Variants in ADAMTS3 observed in about 807,000 individuals in gnomAD.
ADAMTS3 encodes ADAM metallopeptidase with thrombospondin type 1 motif 3, also known as A disintegrin and metalloproteinase with thrombospondin motifs 3.
In ADAMTS3, 73 loss-of-function variants were observed where a neutral mutation model predicts 129.0. The ratio of observed to expected loss-of-function variants is 0.57; its 90% CI spans 0.47 to 0.69. The LOEUF is 0.69. Ranked by LOEUF, ADAMTS3 falls within the 30% of genes least tolerant of loss-of-function variation. ADAMTS3 has a pLI of 0.00. For synonymous variants in ADAMTS3, 477 were observed against 510.8 expected (o/e 0.93, Z 0.89); for missense variants, 1,457 against 1,514.5 (o/e 0.96, Z 0.63).
chr4:72,381,546 CTT>C (rs1721289192), intron 4 of ADAMTS3, among the ~76,000 whole-genome samples: 1 of 152,264 alleles, frequency 6.6e-6, no homozygotes, highest in African/African-American at 2.4e-5. Context: ...CGTATTTCAA[CTT>C]CTCTCTCAAC....
At chr4:72,325,674 A>G (rs147808369) in intron 5 of ADAMTS3, among the ~76,000 whole-genome samples, 1 of 152,320 alleles carries the variant, frequency 6.6e-6, no homozygotes, top group Non-Finnish European at 1.5e-5. Context: ...GAAAAAGTGA[A>G]TTAATTTCTG....
At chr4:72,524,376 A>G (rs1293600734) in intron 3 of ADAMTS3, among the ~76,000 whole-genome samples, 1 of 152,182 alleles carries the variant, frequency 6.6e-6, no homozygotes, top group East Asian at 1.9e-4. Context: ...GGAATGGTCT[A>G]TAATTTTCAA....
At chr4:72,431,863 T>A (rs1285948371) in intron 3 of ADAMTS3, among the ~76,000 whole-genome samples, 1 of 151,716 alleles carries the variant, frequency 6.6e-6, no homozygotes, top group Non-Finnish European at 1.5e-5. Context: ...CACGAAAAAA[T>A]AGTAATAGTA....
intron 3 of ADAMTS3, among the ~76,000 whole-genome samples, chr4:72,479,616 T>C (rs1393172724): frequency 2.6e-5 from 4 of 152,274 alleles, no homozygotes; most frequent in African/African-American, 9.6e-5. Flanking sequence ...GGCATTACCA[T>C]TCAGGACATA....
At chr4:72,496,888 C>T (rs1208972216) in intron 3 of ADAMTS3, among the ~76,000 whole-genome samples, 2 of 151,990 alleles carry the variant, frequency 1.3e-5, no homozygotes, top group East Asian at 3.9e-4. Flanking sequence ...AAACATTCAG[C>T]CGCACATCAA....
At position 72,491,192 on chromosome 4, in the gene ADAMTS3, AT is replaced by A. The variant is rs541115961; in HGVS notation, c.504+57285del. Among the ~76,000 whole-genome samples, 1,212 of 151,908 alleles carry A rather than the reference AT, an allele frequency of 8.0e-3. 7 individuals are homozygous for A. Among genetic ancestry groups the A allele is most frequent in the Middle Eastern group, 0.024 (7 of 294 alleles). On this transcript the variant is annotated intron_variant, in intron 3 of 21. Coordinates refer to ENST00000286657, the MANE Select transcript of ADAMTS3 (RefSeq NM_014243.3). ...TTTATTATGCAACCTTACTGAATTC[AT>A]TTGTTAGTTCTAACAGAATTTTGTT...
chr4:72,300,265 T>A (rs779562274), intron 17 of ADAMTS3, among the ~76,000 whole-genome samples: 76 of 152,048 alleles, frequency 5.0e-4, no homozygotes, highest in Non-Finnish European at 1.9e-4. Flanking sequence ...GAACATTGCT[T>A]GTCTACACCC....
chr4:72,491,621 C>A (rs1028655892), intron 3 of ADAMTS3, among the ~76,000 whole-genome samples: 1 of 151,642 alleles, frequency 6.6e-6, no homozygotes, highest in African/African-American at 2.4e-5. Context: ...AGAAAACTTC[C>A]ACTTTGTCAT....
intron 3 of ADAMTS3, among the ~76,000 whole-genome samples, chr4:72,500,463 T>A (rs1000096094): frequency 3.3e-5 from 5 of 152,174 alleles, no homozygotes; most frequent in African/African-American, 4.8e-5. Context: ...TAAGTGGAGT[T>A]ACTTGCTTTT....
At chr4:72,563,319 T>C (rs1326863045) in intron 2 of ADAMTS3, among the ~76,000 whole-genome samples, 1 of 152,162 alleles carries the variant, frequency 6.6e-6, no homozygotes, top group East Asian at 1.9e-4. Flanking sequence ...TACCTTTAGT[T>C]ACAAGAAAGA....
intron 3 of ADAMTS3, among the ~76,000 whole-genome samples, chr4:72,444,973 T>C (rs543674042): frequency 6.6e-6 from 1 of 151,818 alleles, no homozygotes; most frequent in East Asian, 2.0e-4. Flanking sequence ...CATCTATTTA[T>C]ACAAATTGTC....
chr4:72,408,344 T>G (rs933869514), intron 4 of ADAMTS3, among the ~76,000 whole-genome samples: 11 of 151,672 alleles, frequency 7.3e-5, no homozygotes, highest in African/African-American at 2.7e-4. Flanking sequence ...CCTAACTGAA[T>G]CCTCCACAGA....
chr4:72,533,866 G>A (rs146610045), intron 3 of ADAMTS3, among the ~76,000 whole-genome samples: 318 of 152,192 alleles, frequency 2.1e-3, no homozygotes, highest in African/African-American at 7.3e-3. Context: ...CTATTATAAA[G>A]TAACTATATC....
At chr4:72,424,648 G>T (rs1044785068) in intron 3 of ADAMTS3, among the ~76,000 whole-genome samples, 5 of 152,014 alleles carry the variant, frequency 3.3e-5, no homozygotes, top group African/African-American at 1.2e-4. Context: ...ATTTGTCATT[G>T]AGGACCTTTC....
intron 3 of ADAMTS3, among the ~76,000 whole-genome samples, chr4:72,478,894 C>A (rs1364352510): frequency 6.6e-6 from 1 of 151,504 alleles, no homozygotes; most frequent in Non-Finnish European, 1.5e-5. Flanking sequence ...TCTTATACAC[C>A]AATAACAGAC....
At chr4:72,325,155 G>A (rs1719667971) in intron 5 of ADAMTS3, among the ~76,000 whole-genome samples, 1 of 151,954 alleles carries the variant, frequency 6.6e-6, no homozygotes, top group Non-Finnish European at 1.5e-5. Context: ...TATGGAAAAG[G>A]GGTTTGATTC....
chr4:72,341,023 G>A (rs1367469000), intron 4 of ADAMTS3, among the ~76,000 whole-genome samples: 1 of 152,134 alleles, frequency 6.6e-6, no homozygotes, highest in East Asian at 1.9e-4. Context: ...GGGCTTGTTA[G>A]CCATTTGAGT....
intron 3 of ADAMTS3, among the ~76,000 whole-genome samples, chr4:72,490,361 T>G (rs1397174506): frequency 1.3e-5 from 2 of 151,934 alleles, no homozygotes; most frequent in Non-Finnish European, 2.9e-5. Flanking sequence ...TGATGTAAAT[T>G]CATTTGTCTA....
chr4:72,318,466 C>T (rs1191893811), intron 10 of ADAMTS3, 106 bp downstream of exon 10: 7 of 1,198,130 alleles, frequency 5.8e-6, no homozygotes, highest in South Asian at 4.8e-5. Flanking sequence ...AAAATAACTG[C>T]TAGATATTAT....
Sources: gnomAD v4.1 joint callset for allele counts (sites outside exome capture counted in the v4.1 genomes callset) on GRCh38, gnomAD v4.1.1 for gene constraint, MANE v1.5 for transcripts, NCBI Gene and HGNC (gene_info 2026-07-23, HGNC 2026-07-21) for gene names.